ZFYVE28: variants seen among roughly 807,000 people sequenced by gnomAD.
ZFYVE28 encodes lateral signaling target protein 2 homolog.
A neutral mutation model predicts 82.1 loss-of-function variants in ZFYVE28; 40 were observed. The ratio of observed to expected loss-of-function variants is 0.49; its 90% confidence interval spans 0.38 to 0.63. ZFYVE28 has a LOEUF of 0.63. Among genes scored for constraint, ZFYVE28 ranks in the 30% least tolerant of loss-of-function variants. The pLI, the probability that ZFYVE28 is intolerant of heterozygous loss-of-function variation, is 0.00. For missense variants in ZFYVE28, 1,321 were observed against 1,242.1 expected (o/e 1.06, Z -0.96); for synonymous variants, 612 against 546.1 (o/e 1.12, Z -1.68).
Position 2,341,630 on chromosome 4 carries a change from A to G in ZFYVE28, c.181-15T>C, listed in dbSNP as rs201200211. 2.9e-5 allele frequency: 46 copies of G among 1,597,386 alleles called. 1 individual carries two copies. In the East Asian group the frequency reaches 9.7e-4, roughly 34 times the overall value. ...AACACATTGTCCTGAAACAGAAGACAGGAGAAAGTGCGCCAATCGCTGTGT... is the reference window on the plus strand; with the variant it reads ...AACACATTGTCCTGAAACAGAAGACGGGAGAAAGTGCGCCAATCGCTGTGT... On this transcript the variant is annotated splice_polypyrimidine_tract_variant and intron_variant, in intron 2 of 12. Coordinates refer to ENST00000290974, the MANE Select transcript of ZFYVE28 (RefSeq NM_020972.3). This position sits in a 1 kb window ranked among gnomAD's most constrained non-coding sequence, Gnocchi z 4.5.
At chr4:2,363,715 C>G (rs931337763) in intron 1 of ZFYVE28, among the ~76,000 whole-genome samples, 1 of 152,230 alleles carries the variant, frequency 6.6e-6, no homozygotes, top group Non-Finnish European at 1.5e-5. Context: ...GCAGTGCCCA[C>G]AGGCAGAAGT....
intron 10 of ZFYVE28, 77 bp downstream of exon 10, chr4:2,273,094 ATT>A: frequency 9.8e-6 from 12 of 1,230,460 alleles, no homozygotes; most frequent in East Asian, 4.7e-5. Context: ...GAAGGTGTGG[ATT>A]TCTGAGCACC....
At chr4:2,357,978 G>A (rs1349324945) in intron 1 of ZFYVE28, among the ~76,000 whole-genome samples, 1 of 152,180 alleles carries the variant, frequency 6.6e-6, no homozygotes, top group East Asian at 1.9e-4. Flanking sequence ...GCAGGTGCAT[G>A]AAAGGCTGAT....
Position 2,372,622 on chromosome 4 carries a change from G to A in ZFYVE28, c.40-18549C>T, listed in dbSNP as rs1358497828. Among the ~76,000 whole-genome samples, 2 of 152,172 alleles carry A rather than the reference G, an allele frequency of 1.3e-5. No individual in the cohort carries two copies. The highest frequency in any genetic ancestry group is 4.8e-5 in the African/African-American group (2 of 41,440). On this transcript the variant is annotated intron_variant, in intron 1 of 12. Transcript: ENST00000290974. The surrounding 1 kb of genome is among the most constrained non-coding windows in gnomAD (Gnocchi z 5.2). ...GGGTTCTGAACAGGGCCTGGATTCT[G>A]GGAAGGGACCTGATGAGGGAGGGCC...
chr4:2,322,466 T>C (rs1242125857), intron 6 of ZFYVE28, among the ~76,000 whole-genome samples: 1 of 145,366 alleles, frequency 6.9e-6, no homozygotes, highest in East Asian at 2.1e-4. Context: ...GGTCTCGGTG[T>C]GGCCAGGGGT....
chr4:2,350,676 C>T (rs1724290461), intron 2 of ZFYVE28, among the ~76,000 whole-genome samples: 1 of 152,238 alleles, frequency 6.6e-6, no homozygotes, highest in South Asian at 2.1e-4. Flanking sequence ...TCAGCCCCCA[C>T]CCCCAACCTC....
In ZFYVE28 at chr4:2,320,131, C is replaced by G; in HGVS notation, c.803+39G>C. On this transcript the variant is annotated intron_variant, in intron 7 of 12. Coordinates refer to ENST00000290974, the MANE Select transcript of ZFYVE28 (RefSeq NM_020972.3). This position sits in a 1 kb window ranked among gnomAD's most constrained non-coding sequence, Gnocchi z 5.1. ...CAGCGCCCACCTGTGGCCCTCCTGT[C>G]CCCCTCCCCTCCCCCACCTCCTCTA... 3.9e-6 allele frequency: 6 copies of G among 1,551,324 alleles called. No individual in the cohort carries two copies. Among genetic ancestry groups the G allele is most frequent in the African/African-American group, 1.4e-5 (1 of 73,346 alleles).
At position 2,394,693 on chromosome 4, in the gene ZFYVE28, G is replaced by A. The variant is rs573673739; in HGVS notation, c.39+23592C>T. Among the ~76,000 whole-genome samples, 9 of 152,244 alleles carry A rather than the reference G, an allele frequency of 5.9e-5. No homozygotes were observed. Among genetic ancestry groups the A allele is most frequent in the Non-Finnish European group, 1.3e-4 (9 of 68,036 alleles). ...TGGGTGTCGTGTCACACAGGTCTGC[G>A]ATCCGATCCTGTGAACAGGCACCAC... is the stretch of plus-strand genomic sequence containing the variant. On this transcript the variant is annotated intron_variant, in intron 1 of 12. Coordinates refer to ENST00000290974, the MANE Select transcript of ZFYVE28 (RefSeq NM_020972.3). This position sits in a 1 kb window ranked among gnomAD's most constrained non-coding sequence, Gnocchi z 4.0.
chr4:2,270,854 G>A lies in ZFYVE28; in HGVS notation c.2535C>T (p.Ile845=). ...RKHHCRSCGK[I]FCSRCSSHSA... is the part of the protein sequence containing the mutation. ...AGTGCGAGGAGCAGCGCGAGCAGAA[G>A]ATCTGGAATGGGGTTGGGGCAGTGA... The change falls in exon 13 of 13, where the codon ATC becomes ATT. Residue 845 remains isoleucine, a splice_region_variant and synonymous_variant. Transcript: ENST00000290974. 6.2e-7 allele frequency: 1 copy of A among 1,612,728 alleles called. No homozygotes were observed. Among genetic ancestry groups the A allele is most frequent in the Non-Finnish European group, 8.5e-7 (1 of 1,179,918 alleles).
intron 7 of ZFYVE28, among the ~76,000 whole-genome samples, chr4:2,305,759 T>A (rs1716477771): frequency 6.6e-6 from 1 of 152,260 alleles, no homozygotes; most frequent in Admixed American, 6.5e-5. Context: ...CCGGCTGGGA[T>A]TCTAGTACAG....
chr4:2,291,003 T>C (rs1030608269), intron 8 of ZFYVE28, among the ~76,000 whole-genome samples: 2 of 152,156 alleles, frequency 1.3e-5, no homozygotes, highest in Non-Finnish European at 2.9e-5. Flanking sequence ...CCTAAAAAAA[T>C]GAGGAAATGC....
intron 8 of ZFYVE28, among the ~76,000 whole-genome samples, chr4:2,298,561 G>A (rs927500675): frequency 6.6e-6 from 1 of 152,224 alleles, no homozygotes; most frequent in Non-Finnish European, 1.5e-5. Context: ...CAGGGTTGGG[G>A]CAGAGGCTTG....
intron 1 of ZFYVE28, among the ~76,000 whole-genome samples, chr4:2,415,707 A>C (rs576438349): frequency 3.9e-5 from 6 of 152,316 alleles, no homozygotes; most frequent in African/African-American, 1.4e-4. Flanking sequence ...ATTTGTGCCA[A>C]AATGTGTTAA....
chr4:2,296,538 A>C (rs927091352), intron 8 of ZFYVE28, among the ~76,000 whole-genome samples: 2 of 150,770 alleles, frequency 1.3e-5, no homozygotes, highest in South Asian at 4.2e-4. Context: ...CCCCTCAATC[A>C]TTCTTGTTTT....
At chr4:2,375,617 C>T (rs992019147) in intron 1 of ZFYVE28, among the ~76,000 whole-genome samples, 1 of 151,048 alleles carries the variant, frequency 6.6e-6, no homozygotes, top group Admixed American at 6.6e-5. Context: ...CTCAACTCCT[C>T]CATGGACCAG....
At position 2,335,474 on chromosome 4, in the gene ZFYVE28, C is replaced by T. The variant is rs1290337126; in HGVS notation, c.701+231G>A. 6.6e-6 allele frequency among the ~76,000 whole-genome samples: 1 copy of T among 152,156 alleles called. No homozygotes were observed. Reference sequence around the variant, plus strand: ...CAGGTGTTAGGCCACCTTGCCCTATCTAGGGTGACAGAGCCTCCCTCACCA... The same window carrying T: ...CAGGTGTTAGGCCACCTTGCCCTATTTAGGGTGACAGAGCCTCCCTCACCA... On this transcript the variant is annotated intron_variant, in intron 6 of 12. Coordinates refer to ENST00000290974, the MANE Select transcript of ZFYVE28 (RefSeq NM_020972.3). This position sits in a 1 kb window ranked among gnomAD's most constrained non-coding sequence, Gnocchi z 5.8.
Position 2,389,992 on chromosome 4 carries a change from G to GC in ZFYVE28, c.39+28292dup, listed in dbSNP as rs1298631417. Among the ~76,000 whole-genome samples the GC allele has an allele frequency of 2.6e-5, 4 of 152,176 alleles. 1 individual carries two copies. The highest frequency in any genetic ancestry group is 2.6e-4 in the Admixed American group (4 of 15,278). ...GAATGCTATTGTGGGTTGAATGGCG[G>GC]CCCCCCGAAGATAGGTCTACCTGGA... On this transcript the variant is annotated intron_variant, in intron 1 of 12. Transcript: ENST00000290974.
At chr4:2,312,779 T>C (rs1331768539) in intron 7 of ZFYVE28, among the ~76,000 whole-genome samples, 1 of 143,382 alleles carries the variant, frequency 7.0e-6, no homozygotes, top group African/African-American at 2.6e-5. Flanking sequence ...GTACAGTGGC[T>C]CACACCTATA....
In ZFYVE28 at chr4:2,304,497, G is replaced by C. The variant is rs1716197072; in HGVS notation, c.1843C>G (p.Pro615Ala). The C allele has an allele frequency of 6.2e-7, 1 of 1,612,840 alleles. No individual in the cohort carries two copies. Residue 615 changes from proline (P) to alanine (A), a missense_variant, in exon 8 of 13, where the codon CCA becomes GCA. By Grantham distance (27) the Pro-to-Ala change is conservative. Around this residue, in one of 2 missense-constraint regions of ZFYVE28, gnomAD observed 978 missense variants for 833.7 expected, o/e 1.17. Transcript: ENST00000290974. ...CCGTTGGAGGCATCTTCTGAGGGTGGGGGCGCCTCCTCCTGTCTCTCAGGG... is the reference window on the plus strand; with the variant it reads ...CCGTTGGAGGCATCTTCTGAGGGTGCGGGCGCCTCCTCCTGTCTCTCAGGG... ...RAPERQEEAP[P>A]PSEDASNGRE...
Sources: allele counts gnomAD v4.1 joint callset (sites outside exome capture counted in the v4.1 genomes callset), GRCh38; gene constraint gnomAD v4.1.1; regional missense constraint gnomAD v4.1.1; non-coding constraint Gnocchi (gnomAD v3.1); transcripts MANE v1.5; gene names NCBI Gene and HGNC (gene_info 2026-07-23, HGNC 2026-07-21).